ASAP2: variants seen among roughly 807,000 people sequenced by gnomAD.
The protein encoded by ASAP2 is ArfGAP with SH3 domain, ankyrin repeat and PH domain 2, also known as arf-GAP with SH3 domain, ANK repeat and PH domain-containing protein 2.
A neutral mutation model predicts 131.4 loss-of-function variants in ASAP2; 45 were observed. The ratio of observed to expected loss-of-function variants is 0.34; its 90% CI spans 0.27 to 0.44. The LOEUF is 0.44. ASAP2 is among the 20% of genes least tolerant of loss of function. The probability of loss-of-function intolerance (pLI) is 1.00; values close to 1 mark genes in which losing one functional copy is unlikely to be tolerated. For missense variants in ASAP2, 1,011 were observed against 1,297.0 expected (o/e 0.78, Z 3.39); for synonymous variants, 510 against 503.0 (o/e 1.01, Z -0.19).
intron 5 of ASAP2, among the ~76,000 whole-genome samples, chr2:9,322,874 A>G (rs554155964): frequency 2.0e-5 from 3 of 152,106 alleles, no homozygotes; most frequent in South Asian, 2.1e-4. Flanking sequence ...CAGACTTCCT[A>G]CCTCCTCTGA....
At chr2:9,380,462 T>TG (rs1210207882) in intron 19 of ASAP2, among the ~76,000 whole-genome samples, 6 of 152,202 alleles carry the variant, frequency 3.9e-5, no homozygotes, top group African/African-American at 1.4e-4. Context: ...CCTCCCAAAG[T>TG]GCTGGGATTA....
chr2:9,234,419 C>T (rs1250946007), intron 1 of ASAP2, among the ~76,000 whole-genome samples: 3 of 152,118 alleles, frequency 2.0e-5, no homozygotes, highest in Non-Finnish European at 4.4e-5. Flanking sequence ...GGAGAGGAGA[C>T]AGCACACAGA....
chr2:9,317,372 C>T lies in ASAP2; in HGVS notation c.346-1152C>T, dbSNP rs1047367171. On this transcript the variant is annotated intron_variant, in intron 3 of 27. Coordinates refer to ENST00000281419, the MANE Select transcript of ASAP2 (RefSeq NM_003887.3). Reference sequence around the variant, plus strand: ...CCTCACACAATCATTCACATTCACCCCCAACTCACATCCACACACACACCC... The same window carrying T: ...CCTCACACAATCATTCACATTCACCTCCAACTCACATCCACACACACACCC... Among the ~76,000 whole-genome samples the T allele has an allele frequency of 2.8e-5, 4 of 143,456 alleles. No individual in the cohort carries two copies. In the East Asian group the frequency reaches 8.0e-4, roughly 29 times the overall value. 94.1% of individuals were successfully genotyped at this position (143,456 alleles called of 152,430 possible). A position where few individuals can be genotyped will look rare whatever the true frequency, so the allele number is the denominator to read the frequency against.
intron 3 of ASAP2, among the ~76,000 whole-genome samples, chr2:9,297,671 C>T (rs1256784980): frequency 1.3e-5 from 2 of 152,190 alleles, no homozygotes; most frequent in African/African-American, 4.8e-5. Context: ...TAAATGTACA[C>T]AGCTATGGGA....
chr2:9,378,784 C>T (rs1052155914), intron 18 of ASAP2, among the ~76,000 whole-genome samples, 160 bp from the exon 19 acceptor site: 1 of 152,214 alleles, frequency 6.6e-6, no homozygotes, highest in Non-Finnish European at 1.5e-5. Context: ...TAGGCAGGGA[C>T]GGTGCCAGGT....
intron 4 of ASAP2, among the ~76,000 whole-genome samples, chr2:9,319,653 G>A (rs939705349): frequency 6.6e-6 from 1 of 152,224 alleles, no homozygotes; most frequent in African/African-American, 2.4e-5. Flanking sequence ...AAGCCAAAAA[G>A]TAGTCAACAG....
Position 9,344,746 on chromosome 2 carries a change from G to GC in ASAP2, c.970dup (p.Gln324ProfsTer8), listed in dbSNP as rs1361672813. ...TATCCACAAGGATCCGAAAAGTGTG[G>GC]CAGAAAAGGAAATGTTCAGTTAAAA... On this transcript the variant is annotated frameshift_variant, in exon 11 of 28. Coordinates refer to ENST00000281419, the MANE Select transcript of ASAP2 (RefSeq NM_003887.3). LOFTEE classifies it high-confidence loss of function. 1 of 1,614,018 alleles carries GC rather than the reference G, an allele frequency of 6.2e-7. No homozygotes were observed. Among genetic ancestry groups the GC allele is most frequent in the Non-Finnish European group, 8.5e-7 (1 of 1,180,002 alleles).
At position 9,217,416 on chromosome 2, in the gene ASAP2, A is replaced by G. The variant is rs1662125484; in HGVS notation, c.126+10186A>G. On this transcript the variant is annotated intron_variant, in intron 1 of 27. Coordinates refer to ENST00000281419, the MANE Select transcript of ASAP2 (RefSeq NM_003887.3). This position sits in a 1 kb window ranked among gnomAD's most constrained non-coding sequence, Gnocchi z 4.0. ...CTGGCAGGAGGCCTTCCCTGCTAAC[A>G]GTGTTAATAACGATGTCATTTTTCC... Among the ~76,000 whole-genome samples the G allele has an allele frequency of 6.6e-6, 1 of 152,190 alleles. No individual in the cohort carries two copies. Among genetic ancestry groups the G allele is most frequent in the Non-Finnish European group, 1.5e-5 (1 of 68,024 alleles).
intron 25 of ASAP2, 38 bp from the exon 26 acceptor site, chr2:9,400,704 G>C (rs1676587343): frequency 6.5e-7 from 1 of 1,536,760 alleles, no homozygotes; most frequent in Non-Finnish European, 9.0e-7. Flanking sequence ...GGCTGTGATT[G>C]ATGGGATGTC....
chr2:9,242,234 GAT>G (rs1664024170), intron 1 of ASAP2, among the ~76,000 whole-genome samples: 1 of 152,218 alleles, frequency 6.6e-6, no homozygotes. Flanking sequence ...GCGGTTTACA[GAT>G]AGAGATCTGA....
intron 3 of ASAP2, among the ~76,000 whole-genome samples, chr2:9,312,631 T>C (rs373259980): frequency 2.0e-5 from 3 of 152,216 alleles, no homozygotes; most frequent in African/African-American, 7.2e-5. Context: ...TGTGTTTTCC[T>C]TGAAGTTCCA....
chr2:9,393,719 G>A lies in ASAP2; in HGVS notation c.2684+72G>A, dbSNP rs1675903073. ...ACCTCACCTGCCCAGGGCTCTGCAG[G>A]AATGTTTGCAATCCCCAGGGCTCCT... On this transcript the variant is annotated intron_variant, in intron 24 of 27. Transcript: ENST00000281419. 9 of 1,440,264 alleles carry A rather than the reference G, an allele frequency of 6.2e-6. 1 individual carries two copies. The South Asian group carries it at 1.2e-4, about 19-fold the overall frequency. The allele number at this position is 1,440,264 out of a possible 1,614,324, so 89.2% of individuals were successfully genotyped here.
At chr2:9,317,176 CTCA>C (rs1379450057) in intron 3 of ASAP2, among the ~76,000 whole-genome samples, 1 of 119,492 alleles carries the variant, frequency 8.4e-6, no homozygotes, top group African/African-American at 4.1e-5. Flanking sequence ...TCTCACCACA[CTCA>C]ACACACACCC....
At chr2:9,374,046 T>C (rs1170404868) in intron 16 of ASAP2, among the ~76,000 whole-genome samples, 1 of 152,214 alleles carries the variant, frequency 6.6e-6, no homozygotes, top group African/African-American at 2.4e-5. Context: ...AGAGATGAAA[T>C]ACTTATTCAA....
intron 24 of ASAP2, among the ~76,000 whole-genome samples, chr2:9,397,750 A>ATATATATATATATTTTT (rs1343127000): frequency 4.5e-5 from 2 of 44,810 alleles, no homozygotes; most frequent in African/African-American, 3.4e-4. Context: ...ATATATATAT[A>ATATATATATATATTTTT]TTTTTTTTTT....
At chr2:9,265,411 C>G (rs1441897546) in intron 1 of ASAP2, among the ~76,000 whole-genome samples, 2 of 152,178 alleles carry the variant, frequency 1.3e-5, no homozygotes, top group Non-Finnish European at 2.9e-5. Context: ...TAATCTGTCC[C>G]TTTGACACAT....
intron 1 of ASAP2, among the ~76,000 whole-genome samples, chr2:9,275,966 A>G (rs1349881424): frequency 6.6e-6 from 1 of 152,208 alleles, no homozygotes; most frequent in Non-Finnish European, 1.5e-5. Context: ...TAGCTGCTGT[A>G]GTGGATGGCT....
At chr2:9,295,533 G>A (rs1668097527) in intron 2 of ASAP2, among the ~76,000 whole-genome samples, 1 of 152,148 alleles carries the variant, frequency 6.6e-6, no homozygotes, top group African/African-American at 2.4e-5. Context: ...TATCCTTTAT[G>A]TAGCTGACGC....
chr2:9,207,547 T>TGCCCGCCGCC lies in ASAP2; in HGVS notation c.126+333_126+342dup, dbSNP rs980467966. Among the ~76,000 whole-genome samples, 78 of 150,842 alleles carry TGCCCGCCGCC rather than the reference T, an allele frequency of 5.2e-4. 1 individual carries two copies. The highest frequency in any genetic ancestry group is 1.4e-3 in the East Asian group (7 of 5,060). The stretch of plus-strand genomic sequence containing the variant: ...GTCCGCGGCGAGCGGGGGATCCCGC[T>TGCCCGCCGCC]GCCCGCCGCCGCCCGCCGCCGCCCG... On this transcript the variant is annotated intron_variant, in intron 1 of 27. Coordinates refer to ENST00000281419, the MANE Select transcript of ASAP2 (RefSeq NM_003887.3). This position sits in a 1 kb window ranked among gnomAD's most constrained non-coding sequence, Gnocchi z 4.1.
Sources: gnomAD v4.1 joint callset for allele counts (sites outside exome capture counted in the v4.1 genomes callset) on GRCh38, gnomAD v4.1.1 for gene constraint, Gnocchi (gnomAD v3.1) non-coding constraint, MANE v1.5 for transcripts, NCBI Gene and HGNC (gene_info 2026-07-23, HGNC 2026-07-21) for gene names.